CR1: variants seen among roughly 807,000 people sequenced by gnomAD.
CR1 encodes the protein complement C3b/C4b receptor 1 (Knops blood group).
CR1 carries 116 observed loss-of-function variants against 187.3 expected under a neutral mutation model. The observed-to-expected ratio is 0.62, with a 90% CI of 0.53 to 0.72. CR1 has a LOEUF of 0.72. CR1 is among the 30% of genes least tolerant of loss of function. The probability of loss-of-function intolerance (pLI) is 0.00; values close to 1 mark genes in which losing one functional copy is unlikely to be tolerated. For missense variants in CR1, 1,731 were observed against 2,110.7 expected, an observed-to-expected ratio of 0.82 and a Z score of 3.52; for synonymous variants, 576 against 747.1, an observed-to-expected ratio of 0.77 and a Z score of 3.73.
At chr1:207,506,968 C>G in intron 3 of CR1, 155 bp downstream of exon 3, 1 of 618,192 alleles carries the variant, frequency 1.6e-6, no homozygotes, top group Non-Finnish European at 2.8e-6. Flanking sequence ...CTGAAATGAG[C>G]AAAGGTATGA....
At chr1:207,596,071 ATATC>A (rs775914524) in intron 35 of CR1, among the ~76,000 whole-genome samples, 23 of 145,742 alleles carry the variant, frequency 1.6e-4, no homozygotes, top group East Asian at 1.2e-3. Flanking sequence ...ATCTATATCT[ATATC>A]TATATATATA....
At chr1:207,515,291 A>G (rs12078225) in intron 4 of CR1, among the ~76,000 whole-genome samples, 12 of 148,988 alleles carry the variant, frequency 8.1e-5, no homozygotes, top group African/African-American at 2.9e-4. Flanking sequence ...GTATATGTAT[A>G]CATATATACA....
chr1:207,629,383 T>A (rs2102413183), intron 45 of CR1, among the ~76,000 whole-genome samples: 2 of 152,012 alleles, frequency 1.3e-5, no homozygotes, highest in Middle Eastern at 6.8e-3. Flanking sequence ...CAAAACCCCA[T>A]GTACCACTCA....
At chr1:207,499,863 C>T (rs1039903057) in intron 1 of CR1, among the ~76,000 whole-genome samples, 3 of 152,158 alleles carry the variant, frequency 2.0e-5, no homozygotes, top group Non-Finnish European at 4.4e-5. Flanking sequence ...AAATAAGCTT[C>T]ACATTTGGAC....
intron 35 of CR1, among the ~76,000 whole-genome samples, chr1:207,595,900 T>C (rs1435322072): frequency 6.6e-6 from 1 of 151,296 alleles, no homozygotes; most frequent in African/African-American, 2.4e-5. Context: ...AAACTTGATA[T>C]AAAAAATAGA....
chr1:207,575,496 TC>T, intron 27 of CR1, 98 bp from the exon 28 acceptor site: 1 of 1,477,286 alleles, frequency 6.8e-7, no homozygotes, highest in Non-Finnish European at 9.5e-7. Context: ...GCCTTAGACT[TC>T]TCCTGCATTG....
chr1:207,628,650 A>G (rs958485338), intron 45 of CR1, among the ~76,000 whole-genome samples: 3 of 152,216 alleles, frequency 2.0e-5, no homozygotes, highest in Admixed American at 6.5e-5. Context: ...TTGTGCTAGT[A>G]TTTTGACAAT....
chr1:207,500,590 C>T (rs1659236483), intron 1 of CR1, among the ~76,000 whole-genome samples: 1 of 152,160 alleles, frequency 6.6e-6, no homozygotes, highest in Non-Finnish European at 1.5e-5. Context: ...AATACATACC[C>T]ACTAGAATGA....
intron 29 of CR1, 54 bp from the exon 30 acceptor site, chr1:207,580,186 G>A (rs1660888737): frequency 1.3e-6 from 2 of 1,594,602 alleles, no homozygotes; most frequent in African/African-American, 2.7e-5. Flanking sequence ...TCTTCAGGAA[G>A]CATAGGAAAT....
chr1:207,587,498 T>C lies in CR1; in HGVS notation c.5643T>C (p.Phe1881=), dbSNP rs778460323. 8.7e-6 allele frequency: 14 copies of C among 1,614,006 alleles called. No homozygotes were observed. Among genetic ancestry groups the C allele is most frequent in the Non-Finnish European group, 1.2e-5 (14 of 1,179,850 alleles). ...ATTATGAATGCCGTCCTGGGTATTT[T>C]GGGAAAATGTTCTCTATCTCCTGCC... The part of the protein sequence containing the change: ...SLNYECRPGY[F]GKMFSISCLE... Residue 1881 remains phenylalanine (F), a synonymous_variant, in exon 34 of 47, where the codon TTT becomes TTC. Transcript: ENST00000367049.
At chr1:207,617,359 G>A (rs1353562082) in intron 41 of CR1, among the ~76,000 whole-genome samples, 1 of 150,414 alleles carries the variant, frequency 6.6e-6, no homozygotes, top group Non-Finnish European at 1.5e-5. Context: ...GGGAACTCAG[G>A]AGGCCCTGGA....
chr1:207,633,234 C>T lies in CR1; in HGVS notation c.7457+2613C>T, dbSNP rs567533568. Among the ~76,000 whole-genome samples the T allele has an allele frequency of 1.1e-4, 17 of 152,276 alleles. No individual in the cohort carries two copies. In the South Asian group the frequency reaches 3.3e-3, roughly 30 times the overall value. ...ATATCTCTCTTTGAAACTCACATTT[C>T]CTGACTACACCATTTAAAAAATAAA... On this transcript the variant is annotated intron_variant, in intron 46 of 46. Transcript: ENST00000367049.
chr1:207,586,963 G>T (rs1661129358), intron 33 of CR1, among the ~76,000 whole-genome samples: 1 of 152,182 alleles, frequency 6.6e-6, no homozygotes, highest in African/African-American at 2.4e-5. Context: ...GCTATGAAAG[G>T]CCAGAGAGGC....
At chr1:207,624,826 A>T (rs930196234) in intron 45 of CR1, among the ~76,000 whole-genome samples, 1 of 152,194 alleles carries the variant, frequency 6.6e-6, no homozygotes, top group Non-Finnish European at 1.5e-5. Flanking sequence ...TTAATTTTTT[A>T]AAAAATTACT....
chr1:207,512,795 T>C (rs1659662449), intron 4 of CR1, among the ~76,000 whole-genome samples: 1 of 152,204 alleles, frequency 6.6e-6, no homozygotes, highest in South Asian at 2.1e-4. Flanking sequence ...ATGAAAAAGA[T>C]TAGTAAAATA....
chr1:207,599,656 ATC>A (rs1286123154), intron 35 of CR1, among the ~76,000 whole-genome samples: 4 of 152,256 alleles, frequency 2.6e-5, no homozygotes, highest in African/African-American at 9.6e-5. Context: ...ACTTAATTAG[ATC>A]TCTGTTTAGT....
chr1:207,639,399 T>A lies in CR1; in HGVS notation c.7460T>A (p.Val2487Asp), dbSNP rs1331156785. 10 of 1,598,910 alleles carry A rather than the reference T, an allele frequency of 6.3e-6. No homozygotes were observed. Among genetic ancestry groups the A allele is most frequent in the Non-Finnish European group, 8.5e-6 (10 of 1,171,804 alleles). ...ATGAAAACATCCTGTTATTTCAGGG[T>A]CCTTCCTTGACAAAGTACTATACAG... Reference protein sequence around the residue: ...TLQTNEENSRVLP With the variant: ...TLQTNEENSRDLP Residue 2487 changes from valine to aspartate, a missense_variant and splice_region_variant, in exon 47 of 47, where the codon GTC becomes GAC. Physicochemically the swap from Val to Asp is radical, Grantham distance 152. Coordinates refer to ENST00000367049, the MANE Select transcript of CR1 (RefSeq NM_000651.6).
At chr1:207,592,949 C>A (rs1661316933) in intron 35 of CR1, among the ~76,000 whole-genome samples, 1 of 151,834 alleles carries the variant, frequency 6.6e-6, no homozygotes. Flanking sequence ...AGCGAGGACA[C>A]AAACAAATGA....
Position 207,581,941 on chromosome 1 carries a change from T to A in CR1, c.5240T>A (p.Val1747Asp). Residue 1747 changes from valine (V) to aspartate (D), a missense_variant, in exon 32 of 47, where the codon GTT (valine) becomes GAT (aspartate). By Grantham distance (152) the Val-to-Asp change is radical. Transcript: ENST00000367049. ...DEGFRLKGSSVSHCVLVGMRS... is the reference protein window; with the variant it reads ...DEGFRLKGSSDSHCVLVGMRS... The stretch of plus-strand genomic sequence containing the variant: ...AGGTTTCGCTTAAAGGGCAGTTCCG[T>A]TAGTCATTGTGTCTTGGTTGGAATG... 1 of 1,613,320 alleles carries A rather than the reference T, an allele frequency of 6.2e-7. No individual in the cohort carries two copies.
Sources: allele counts gnomAD v4.1 joint callset (sites outside exome capture counted in the v4.1 genomes callset), GRCh38; gene constraint gnomAD v4.1.1; transcripts MANE v1.5; gene names NCBI Gene and HGNC (gene_info 2026-07-23, HGNC 2026-07-21).